Variants in NR4A1 observed in about 807,000 individuals in gnomAD.
NR4A1 encodes the protein nuclear receptor subfamily 4immunitygroup A member 1.
A neutral mutation model predicts 47.5 loss-of-function variants in NR4A1; 24 were observed. The ratio of observed to expected loss-of-function variants is 0.50; its 90% confidence interval spans 0.37 to 0.71. The LOEUF is 0.71. NR4A1 is among the 30% of genes least tolerant of loss of function. The pLI, the probability that NR4A1 is intolerant of heterozygous loss-of-function variation, is 0.00. For missense variants in NR4A1, 669 were observed against 788.6 expected (o/e 0.85, Z 1.82); for synonymous variants, 353 against 345.7 (o/e 1.02, Z -0.24).
chr12:52,037,456 CG>C (rs1350727866), intron 1 of NR4A1: 68 of 982,686 alleles, frequency 6.9e-5, no homozygotes, highest in Non-Finnish European at 7.8e-5. Flanking sequence ...GAGGGGCTGC[CG>C]GGGTGGCGGG....
At chr12:52,041,850 G>C in exon 2 of NR4A1, 1 of 1,511,016 alleles carries the variant, frequency 6.6e-7, no homozygotes, top group Non-Finnish European at 8.8e-7. Flanking sequence ...CCCCTCCCAG[G>C]CAGCCTGGCT....
At chr12:52,058,304 A>G (rs939616250) in intron 6 of NR4A1, among the ~76,000 whole-genome samples, 1 of 152,164 alleles carries the variant, frequency 6.6e-6, no homozygotes, top group Non-Finnish European at 1.5e-5. Context: ...AGGGGACCCA[A>G]CGATATAGAA....
At chr12:52,045,344 A>G (rs370372020) in intron 2 of NR4A1, 194 of 289,588 alleles carry the variant, frequency 6.7e-4, no homozygotes, top group African/African-American at 4.2e-3. Context: ...TGAGTTCCAC[A>G]GGGCCGAGTG....
At position 52,035,399 on chromosome 12, in the gene NR4A1, C is replaced by T. The variant is rs577579938; in HGVS notation, c.-83-6411C>T. 6.6e-5 allele frequency among the ~76,000 whole-genome samples: 10 copies of T among 151,838 alleles called. No individual in the cohort carries two copies. The East Asian group carries it at 1.5e-3, about 23-fold the overall frequency. On this transcript the variant is annotated intron_variant, in intron 1 of 7. Coordinates refer to the NR4A1 transcript ENST00000360284. ...AAACTGGTAACTGAGCCCTTTTTTT[C>T]CCTTCCTGTCTAAATAAATGTATTT...
upstream of NR4A1, among the ~76,000 whole-genome samples, chr12:52,049,073 G>C (rs2120367303): frequency 6.6e-6 from 1 of 152,298 alleles, no homozygotes. Context: ...TGCTGGGATG[G>C]AGGGTTCTGG....
chr12:52,057,009 G>T (rs1486426444), intron 4 of NR4A1, 48 bp from the exon 5 acceptor site: 3 of 1,512,282 alleles, frequency 2.0e-6, no homozygotes, highest in Non-Finnish European at 2.7e-6. Flanking sequence ...GTGGCAGTGG[G>T]TGTAGGAGCC....
intron 2 of NR4A1, among the ~76,000 whole-genome samples, chr12:52,042,153 G>A (rs1938464553): frequency 6.6e-6 from 1 of 152,122 alleles, no homozygotes; most frequent in African/African-American, 2.4e-5. Flanking sequence ...TGGCAGGATA[G>A]GCTGGAGGGC....
In NR4A1 at chr12:52,051,583, G is replaced by C; in HGVS notation, c.-3+15G>C. The C allele has an allele frequency of 1.0e-6, 1 of 985,786 alleles. No homozygotes were observed. The highest frequency in any genetic ancestry group is 4.7e-5 in the South Asian group (1 of 21,292). The allele number at this position is 985,786 out of a possible 1,614,324, so 61.1% of individuals were successfully genotyped here. ...GAGCCGGCCGGGTAGGTTCCCTTCG[G>C]GGAACGTGCATCTGTTTTTAGGAGC... On this transcript the variant is annotated intron_variant, in intron 1 of 6. Coordinates refer to ENST00000394825, the MANE Select transcript of NR4A1 (RefSeq NM_173157.3).
Position 52,058,775 on chromosome 12 carries a change from C to T in NR4A1, c.1628C>T (p.Ala543Val), listed in dbSNP as rs764768496. The T allele has an allele frequency of 2.4e-5, 38 of 1,610,128 alleles. No homozygotes were observed. The highest frequency in any genetic ancestry group is 5.0e-5 in the Admixed American group (3 of 59,904). ...SCLKEHVAAVAGEPQPASCLS... is the reference protein window; with the variant it reads ...SCLKEHVAAVVGEPQPASCLS... ...CTGAAGGAGCACGTGGCAGCTGTGG[C>T]GGGCGAGCCCCAGCCAGCCAGCTGC... The change falls in exon 7 of 7, where the codon GCG (alanine) becomes GTG (valine). Residue 543 changes from alanine (A) to valine (V), a missense_variant. Coordinates refer to ENST00000394825, the MANE Select transcript of NR4A1 (RefSeq NM_173157.3).
chr12:52,057,099 G>A lies in NR4A1; in HGVS notation c.1201G>A (p.Gly401Arg), dbSNP rs768962162. 6 of 1,611,920 alleles carry A rather than the reference G, an allele frequency of 3.7e-6. No homozygotes were observed. The East Asian group carries it at 8.9e-5, about 24-fold the overall frequency. ...VLPHFGKEDA[G>R]DVQQFYDLLS... is the part of the protein sequence containing the mutation. Reference sequence around the variant, plus strand: ...GCCCCACTTTGGGAAGGAAGATGCTGGGGATGTACAGCAGTTCTACGACCT... The same window carrying A: ...GCCCCACTTTGGGAAGGAAGATGCTAGGGATGTACAGCAGTTCTACGACCT... Residue 401 changes from glycine to arginine, a missense_variant, in exon 5 of 7, where the codon GGG (glycine) becomes AGG (arginine). Physicochemically the swap from Gly to Arg is moderately radical, Grantham distance 125 (BLOSUM62 -2). Transcript: ENST00000394825.
chr12:52,024,983 C>A (rs1937973626), intron 1 of NR4A1, among the ~76,000 whole-genome samples: 1 of 152,116 alleles, frequency 6.6e-6, no homozygotes, highest in African/African-American at 2.4e-5. Context: ...CCTGAGACTG[C>A]ACGAGCTCTG....
chr12:52,056,615 G>T lies in NR4A1; in HGVS notation c.1128G>T (p.Gly376=), dbSNP rs189198499. 6.2e-7 allele frequency: 1 copy of T among 1,606,890 alleles called. No individual in the cohort carries two copies. The highest frequency in any genetic ancestry group is 1.3e-5 in the African/African-American group (1 of 74,468). Residue 376 remains glycine (G), a synonymous_variant, in exon 4 of 7, where the codon GGG becomes GGT. Transcript: ENST00000394825. ...TGGTCCGTGCACACCTGGACTCAGGGCCCAGCACTGCCAAACTGGACTACT... is the reference window on the plus strand; with the variant it reads ...TGGTCCGTGCACACCTGGACTCAGGTCCCAGCACTGCCAAACTGGACTACT... The part of the protein sequence containing the change: ...TSLVRAHLDS[G]PSTAKLDYSK...
At chr12:52,036,868 G>T (rs892282669) in intron 1 of NR4A1, among the ~76,000 whole-genome samples, 1 of 152,182 alleles carries the variant, frequency 6.6e-6, no homozygotes, top group African/African-American at 2.4e-5. Context: ...GGAAGCCCCG[G>T]CTAAGTTTCT....
chr12:52,038,106 C>G (rs1393143141), intron 1 of NR4A1: 1 of 974,686 alleles, frequency 1.0e-6, no homozygotes, highest in Non-Finnish European at 1.2e-6. Flanking sequence ...GCTCTGTTGC[C>G]CAGGCTGGAG....
intron 1 of NR4A1, among the ~76,000 whole-genome samples, chr12:52,031,429 G>T (rs1938125125): frequency 6.6e-6 from 1 of 151,704 alleles, no homozygotes; most frequent in Non-Finnish European, 1.5e-5. Flanking sequence ...ATGAGGTCAG[G>T]AGTGTGAGAC....
chr12:52,032,143 T>TA (rs1938141235), intron 1 of NR4A1, among the ~76,000 whole-genome samples: 1 of 152,172 alleles, frequency 6.6e-6, no homozygotes, highest in Non-Finnish European at 1.5e-5. Context: ...AAATAGCTGG[T>TA]AAAATGTTAT....
At chr12:52,050,946 G>C (rs1488827113), upstream of NR4A1, among the ~76,000 whole-genome samples, 2 of 152,204 alleles carry the variant, frequency 1.3e-5, no homozygotes, top group African/African-American at 4.8e-5. Context: ...TAGGCTCGGA[G>C]GGAGCCGGAG....
chr12:52,056,780 C>T lies in NR4A1; in HGVS notation c.1158+135C>T, dbSNP rs1440969600. 4 of 954,426 alleles carry T rather than the reference C, an allele frequency of 4.2e-6. No homozygotes were observed. The East Asian group carries it at 1.1e-4, about 25-fold the overall frequency. The allele number at this position is 954,426 out of a possible 1,614,324, so 59.1% of individuals were successfully genotyped here. A position where few individuals can be genotyped will look rare whatever the true frequency, so the allele number is the denominator to read the frequency against. ...TTAAAAAAGAAAGAAAGAAAAGCGACTCCCTCCAGTTCGACAGATCAAAGA... is the reference window on the plus strand; with the variant it reads ...TTAAAAAAGAAAGAAAGAAAAGCGATTCCCTCCAGTTCGACAGATCAAAGA... On this transcript the variant is annotated intron_variant, in intron 4 of 6. Transcript: ENST00000394825.
intron 1 of NR4A1, among the ~76,000 whole-genome samples, chr12:52,023,846 C>A (rs1235499250): frequency 6.6e-6 from 1 of 152,310 alleles, no homozygotes; most frequent in Middle Eastern, 3.4e-3. Flanking sequence ...GTGGCCTGGC[C>A]GACTTGCGGG....
Sources: allele counts gnomAD v4.1 joint callset (sites outside exome capture counted in the v4.1 genomes callset), GRCh38; gene constraint gnomAD v4.1.1; transcripts MANE v1.5; gene names NCBI Gene and HGNC (gene_info 2026-07-23, HGNC 2026-07-21).